MAF: variants seen among roughly 807,000 people sequenced by gnomAD.
MAF encodes transcription factor Maf.
A neutral mutation model predicts 22.0 loss-of-function variants in MAF; 10 were observed. The observed-to-expected ratio is 0.45, with a 90% CI of 0.28 to 0.77. The LOEUF (loss-of-function observed/expected upper bound fraction) is 0.77. Among genes scored for constraint, MAF ranks in the 30% least tolerant of loss-of-function variants. The pLI, the probability that MAF is intolerant of heterozygous loss-of-function variation, is 0.12. For missense variants in MAF, 544 were observed against 548.4 expected (o/e 0.99, Z 0.08); for synonymous variants, 337 against 255.8 (o/e 1.32, Z -3.03).
the MAF span, among the ~76,000 whole-genome samples, chr16:79,328,610 G>A: frequency 3.9e-5 from 6 of 152,186 alleles, no homozygotes; most frequent in Admixed American, 6.5e-5. Context: ...GCACTTGAAC[G>A]AAGACAAAGC....
the MAF span, among the ~76,000 whole-genome samples, chr16:79,474,650 T>C: frequency 6.6e-6 from 1 of 152,190 alleles, no homozygotes; most frequent in Non-Finnish European, 1.5e-5. Flanking sequence ...GATACCTCAT[T>C]CTTTTTCTTT....
the MAF span, among the ~76,000 whole-genome samples, chr16:79,213,283 G>A: frequency 0.019 from 2,834 of 150,268 alleles, 94 homozygotes; most frequent in African/African-American, 0.067. Flanking sequence ...CTGCATCTGT[G>A]GTGCAGAGCA....
chr16:79,211,576 ATTTTT>A, the MAF span: 1 of 1,607,964 alleles, frequency 6.2e-7, no homozygotes, highest in Non-Finnish European at 8.5e-7. Context: ...TTTTCTTAAA[ATTTTT>A]TTTTGTCTTT....
At chr16:79,455,042 G>A in the MAF span, among the ~76,000 whole-genome samples, 1 of 151,638 alleles carries the variant, frequency 6.6e-6, no homozygotes, top group South Asian at 2.1e-4. Flanking sequence ...GTTGCTGTGA[G>A]CCGAGATCGC....
the MAF span, among the ~76,000 whole-genome samples, chr16:79,405,267 G>A: frequency 3.3e-5 from 5 of 152,186 alleles, no homozygotes; most frequent in African/African-American, 1.2e-4. Context: ...TTCTCATGAA[G>A]TCTGAGCAAG....
At chr16:79,458,927 A>T in the MAF span, among the ~76,000 whole-genome samples, 1 of 152,220 alleles carries the variant, frequency 6.6e-6, no homozygotes, top group Non-Finnish European at 1.5e-5. Context: ...AAATGCAGGG[A>T]AAGATGTACT....
At chr16:79,517,190 G>A in the MAF span, among the ~76,000 whole-genome samples, 2 of 152,112 alleles carry the variant, frequency 1.3e-5, no homozygotes, top group Non-Finnish European at 2.9e-5. Context: ...CCTTGGCTCT[G>A]AGCCTACCTG....
chr16:79,285,344 T>G, the MAF span, among the ~76,000 whole-genome samples: 3 of 152,216 alleles, frequency 2.0e-5, no homozygotes, highest in Non-Finnish European at 4.4e-5. Context: ...TGGGCACTGT[T>G]TAGCCACGAG....
the MAF span, among the ~76,000 whole-genome samples, chr16:79,482,725 C>T: frequency 1.3e-5 from 2 of 152,012 alleles, no homozygotes; most frequent in African/African-American, 4.8e-5. Flanking sequence ...CCCAGTGCCC[C>T]GCTGAGCAGG....
chr16:79,592,017 A>G (rs760618480), downstream of MAF, among the ~76,000 whole-genome samples: 8 of 152,256 alleles, frequency 5.3e-5, no homozygotes, highest in Non-Finnish European at 1.2e-4. Context: ...ATACATGCAC[A>G]CTAGGTCTGA....
the MAF span, among the ~76,000 whole-genome samples, chr16:79,275,342 T>A: frequency 6.6e-6 from 1 of 152,056 alleles, no homozygotes; most frequent in Admixed American, 6.5e-5. Flanking sequence ...CAAGAATCCA[T>A]CTCCAAAAAA....
chr16:79,596,241 G>C, intron 1 of MAF: 4 of 1,059,686 alleles, frequency 3.8e-6, no homozygotes, highest in Non-Finnish European at 4.6e-6. Flanking sequence ...CAACTCATTT[G>C]AAAACTGAAA....
the MAF span, among the ~76,000 whole-genome samples, chr16:79,529,239 G>A: frequency 7.9e-5 from 12 of 152,082 alleles, no homozygotes; most frequent in East Asian, 7.7e-4. Context: ...CTTCCCATGC[G>A]CCAAAAACCA....
the MAF span, among the ~76,000 whole-genome samples, chr16:79,446,425 T>C: frequency 6.6e-6 from 1 of 152,162 alleles, no homozygotes; most frequent in Non-Finnish European, 1.5e-5. Flanking sequence ...CCTGTTGTCC[T>C]AGTGTGAGTA....
At chr16:79,494,331 G>C in the MAF span, among the ~76,000 whole-genome samples, 8 of 152,240 alleles carry the variant, frequency 5.3e-5, no homozygotes, top group African/African-American at 1.9e-4. Context: ...TGCAGTTGTA[G>C]GACTGAGGTC....
the MAF span, among the ~76,000 whole-genome samples, chr16:79,340,064 G>A: frequency 1.3e-5 from 2 of 152,152 alleles, no homozygotes. Context: ...TCACTAAAGT[G>A]CCTGTTCATC....
chr16:79,330,462 G>A, the MAF span, among the ~76,000 whole-genome samples: 1 of 152,172 alleles, frequency 6.6e-6, no homozygotes, highest in Non-Finnish European at 1.5e-5. Context: ...TGGAGGAATG[G>A]TGAGAGCCGT....
chr16:79,481,714 A>T, the MAF span, among the ~76,000 whole-genome samples: 6 of 151,928 alleles, frequency 3.9e-5, no homozygotes, highest in Non-Finnish European at 8.8e-5. Context: ...CCACCCACCC[A>T]TCCATCCATC....
At chr16:79,424,308 A>C in the MAF span, among the ~76,000 whole-genome samples, 133 of 152,214 alleles carry the variant, frequency 8.7e-4, 2 homozygotes, top group Non-Finnish European at 1.4e-3. Context: ...GTGACATGGT[A>C]GAGTCCACAG....
Sources: allele counts gnomAD v4.1 joint callset (sites outside exome capture counted in the v4.1 genomes callset), GRCh38; gene constraint gnomAD v4.1.1; transcripts MANE v1.5; gene names NCBI Gene and HGNC (gene_info 2026-07-23, HGNC 2026-07-21).